The following USP38 variants were observed in gnomAD, a reference collection of about 807,000 sequenced individuals.
The protein encoded by USP38 is ubiquitin carboxyl-terminal hydrolase 38.
USP38 carries 49 observed loss-of-function variants against 94.3 expected under a neutral mutation model. The ratio of observed to expected loss-of-function variants is 0.52; its 90% confidence interval spans 0.41 to 0.66. The LOEUF is 0.66. Among genes scored for constraint, USP38 ranks in the 30% least tolerant of loss-of-function variants. USP38 has a pLI of 0.00. For missense variants in USP38, 1,128 were observed against 1,229.4 expected, an observed-to-expected ratio of 0.92 and a Z score of 1.23; for synonymous variants, 468 against 463.6, an observed-to-expected ratio of 1.01 and a Z score of -0.12.
Position 143,187,850 on chromosome 4 carries a change from C to T in USP38, c.707C>T (p.Ala236Val), listed in dbSNP as rs372406558. 1.2e-6 allele frequency: 2 copies of T among 1,612,532 alleles called. No individual in the cohort carries two copies. Among genetic ancestry groups the T allele is most frequent in the African/African-American group, 2.7e-5 (2 of 74,856 alleles). ...GATGCATCATTTGAACCTTCTGTAG[C>T]ATTGGCAAGCCTTGTGCAGCATATT... ...STDASFEPSV[A>V]LASLVQHIPL... Residue 236 changes from alanine (A) to valine (V), a missense_variant, in exon 2 of 10, where the codon GCA becomes GTA. By Grantham distance (64) the Ala-to-Val change is moderately conservative. Coordinates refer to ENST00000307017, the MANE Select transcript of USP38 (RefSeq NM_032557.6).
chr4:143,197,948 A>C (rs368529972), intron 4 of USP38, 24 bp downstream of exon 4: 170 of 1,524,398 alleles, frequency 1.1e-4, no homozygotes, highest in Non-Finnish European at 1.4e-4. Context: ...TAAACGTTCT[A>C]CTTTGAAAAA....
At chr4:143,213,500 A>G in intron 8 of USP38, 81 bp from the exon 9 acceptor site, 1 of 1,348,760 alleles carries the variant, frequency 7.4e-7, no homozygotes, top group Non-Finnish European at 9.9e-7. Flanking sequence ...AGAATAGTTT[A>G]TAGAAGCCAC....
intron 9 of USP38, among the ~76,000 whole-genome samples, chr4:143,218,392 A>G (rs1167976943): frequency 6.6e-5 from 10 of 152,082 alleles, no homozygotes; most frequent in Non-Finnish European, 4.4e-5. Flanking sequence ...TACACATTCT[A>G]TGATAATCAT....
chr4:143,222,412 A>G lies in USP38; in HGVS notation c.*1956A>G, dbSNP rs1732347602. 6.6e-6 allele frequency: 1 copy of G among 152,034 alleles called. No homozygotes were observed. Among genetic ancestry groups the G allele is most frequent in the Non-Finnish European group, 1.5e-5 (1 of 67,944 alleles). The allele number at this position is 152,034 out of a possible 1,614,324, so 9.4% of individuals were successfully genotyped here. A position where few individuals can be genotyped will look rare whatever the true frequency, so the allele number is the denominator to read the frequency against. ...CAGTATTTGCATATAACCTGTGCAC[A>G]TCCTCCCATATACTTTAATCTCCAG... On this transcript the variant is annotated 3_prime_UTR_variant, in exon 10 of 10. Transcript: ENST00000307017.
rs1016038254 is a variant in USP38 at position 143,209,573 on chromosome 4, A to C, written c.1413A>C (p.Arg471Ser). The stretch of plus-strand genomic sequence containing the variant: ...TTATATTCTCTTTCAGTTTCAGGAG[A>C]CAAGTATTATCTTTAAATCTAAATG... ...QALFMATDFRRQVLSLNLNGC... is the reference protein window; with the variant it reads ...QALFMATDFRSQVLSLNLNGC... The change falls in exon 7 of 10, where the codon AGA (arginine) becomes AGC (serine). Residue 471 changes from arginine to serine, a missense_variant. Physicochemically the swap from Arg to Ser is moderately radical, Grantham distance 110 (BLOSUM62 -1). Coordinates refer to ENST00000307017, the MANE Select transcript of USP38 (RefSeq NM_032557.6). 1.9e-6 allele frequency: 3 copies of C among 1,573,186 alleles called. No homozygotes were observed. The highest frequency in any genetic ancestry group is 2.6e-6 in the Non-Finnish European group (3 of 1,145,784).
At position 143,214,254 on chromosome 4, in the gene USP38, T is replaced by A; in HGVS notation, c.2278T>A (p.Tyr760Asn). The A allele has an allele frequency of 6.2e-7, 1 of 1,613,500 alleles. No individual in the cohort carries two copies. The highest frequency in any genetic ancestry group is 8.5e-7 in the Non-Finnish European group (1 of 1,179,780). ...KTMQITEEPE[Y>N]LILTLLRFSY... The stretch of plus-strand genomic sequence containing the variant: ...TATGCAAATCACGGAGGAACCTGAA[T>A]ACCTTATTCTTACTCTCCTGAGATT... Residue 760 changes from tyrosine to asparagine, a missense_variant, in exon 9 of 10, where the codon TAC becomes AAC. By Grantham distance (143) the Tyr-to-Asn change is moderately radical. Coordinates refer to ENST00000307017, the MANE Select transcript of USP38 (RefSeq NM_032557.6).
At chr4:143,217,723 A>G (rs1311089370) in intron 9 of USP38, among the ~76,000 whole-genome samples, 2 of 152,176 alleles carry the variant, frequency 1.3e-5, no homozygotes, top group Non-Finnish European at 2.9e-5. Context: ...CAGATTTACA[A>G]GTGTTAGAAA....
At position 143,214,368 on chromosome 4, in the gene USP38, A is replaced by T; in HGVS notation, c.2392A>T (p.Thr798Ser). ...LVLELPVKRITSFSSLSESWS... is the reference protein window; with the variant it reads ...LVLELPVKRISSFSSLSESWS... ...TTTGGAGTTGCCAGTTAAAAGAATT[A>T]CTTCTTTCTCTTCATTGTCAGAAAG... Residue 798 changes from threonine to serine, a missense_variant, in exon 9 of 10, where the codon ACT becomes TCT. Thr to Ser is a moderately conservative substitution (Grantham distance 58). Transcript: ENST00000307017. The T allele has an allele frequency of 6.2e-7, 1 of 1,613,718 alleles. No individual in the cohort carries two copies. The highest frequency in any genetic ancestry group is 8.5e-7 in the Non-Finnish European group (1 of 1,179,836).
At chr4:143,198,673 A>G (rs957442120) in intron 4 of USP38, among the ~76,000 whole-genome samples, 5 of 152,178 alleles carry the variant, frequency 3.3e-5, no homozygotes, top group Admixed American at 2.6e-4. Context: ...ATATATTCAC[A>G]TAGGTTGCTC....
chr4:143,220,502 ATGAC>A lies in USP38; in HGVS notation c.*49_*52del, dbSNP rs1553936039. ...CACTGGTCACGAAACGTCTAATACT[ATGAC>A]TGTTAAAATGTCAGACTATAACAAA... On this transcript the variant is annotated 3_prime_UTR_variant, in exon 10 of 10. Coordinates refer to ENST00000307017, the MANE Select transcript of USP38 (RefSeq NM_032557.6). 1 of 1,488,680 alleles carries A rather than the reference ATGAC, an allele frequency of 6.7e-7. No individual in the cohort carries two copies. The highest frequency in any genetic ancestry group is 9.0e-7 in the Non-Finnish European group (1 of 1,114,008). 92.2% of individuals were successfully genotyped at this position (1,488,680 alleles called of 1,614,324 possible). A position where few individuals can be genotyped will look rare whatever the true frequency, so the allele number is the denominator to read the frequency against.
intron 4 of USP38, among the ~76,000 whole-genome samples, chr4:143,200,983 A>G (rs1337428058): frequency 1.3e-5 from 2 of 152,188 alleles, no homozygotes; most frequent in Non-Finnish European, 2.9e-5. Flanking sequence ...TGCTACTTCA[A>G]TCAAACTACC....
At position 143,220,601 on chromosome 4, in the gene USP38, CTT is replaced by C; in HGVS notation, c.*146_*147del. ...CACACTCAGTGCTTGTTTTTATTTTCTTGACACATTTATTAACAAAATGCATC... is the reference window on the plus strand; with the variant it reads ...CACACTCAGTGCTTGTTTTTATTTTCGACACATTTATTAACAAAATGCATC... On this transcript the variant is annotated 3_prime_UTR_variant, in exon 10 of 10. Coordinates refer to ENST00000307017, the MANE Select transcript of USP38 (RefSeq NM_032557.6). 1.2e-6 allele frequency: 1 copy of C among 818,236 alleles called. No homozygotes were observed. 50.7% of individuals were successfully genotyped at this position (818,236 alleles called of 1,614,324 possible).
rs1261454967 is a variant in USP38, at chr4:143,186,214, C to T, written c.682+82C>T. 5.0e-6 allele frequency: 7 copies of T among 1,400,858 alleles called. No individual in the cohort carries two copies. The South Asian group carries it at 6.7e-5, about 13-fold the overall frequency. 86.8% of individuals were successfully genotyped at this position (1,400,858 alleles called of 1,614,324 possible). On this transcript the variant is annotated intron_variant, in intron 1 of 9. Transcript: ENST00000307017. ...CACACACACATTCACACCATGTTTT[C>T]CTCCTGCCCTAAAAACATTCTTAAG...
At chr4:143,203,592 T>C (rs202048641) in intron 5 of USP38, 26 bp downstream of exon 5, 65 of 1,593,062 alleles carry the variant, frequency 4.1e-5, no homozygotes, top group Non-Finnish European at 5.1e-5. Context: ...TACCAATATT[T>C]GTGGAGTTGT....
chr4:143,210,647 CAT>C (rs772826471), intron 7 of USP38, among the ~76,000 whole-genome samples: 1 of 151,292 alleles, frequency 6.6e-6, no homozygotes, highest in Non-Finnish European at 1.5e-5. Flanking sequence ...AGCCTATACA[CAT>C]GAGTAATATA....
At chr4:143,195,582 G>T in intron 2 of USP38, 134 bp from the exon 3 acceptor site, 1 of 828,490 alleles carries the variant, frequency 1.2e-6, no homozygotes, top group Non-Finnish European at 1.8e-6. Context: ...TCTACATCTT[G>T]GTCAGTGCTT....
In USP38 at chr4:143,185,211, C is replaced by A; in HGVS notation, c.-240C>A. Reference sequence around the variant, plus strand: ...GCGGCGGCGGAGTACGGGCCTCTGGCGCCTTAGGCCAGCCGCAGGTGTCGG... The same window carrying A: ...GCGGCGGCGGAGTACGGGCCTCTGGAGCCTTAGGCCAGCCGCAGGTGTCGG... On this transcript the variant is annotated 5_prime_UTR_variant, in exon 1 of 10. Coordinates refer to ENST00000307017, the MANE Select transcript of USP38 (RefSeq NM_032557.6). The A allele has an allele frequency of 2.2e-6, 1 of 463,482 alleles. No individual in the cohort carries two copies. The highest frequency in any genetic ancestry group is 3.7e-5 in the East Asian group (1 of 27,094). The allele number at this position is 463,482 out of a possible 1,614,324, so 28.7% of individuals were successfully genotyped here.
intron 8 of USP38, among the ~76,000 whole-genome samples, chr4:143,212,759 A>G (rs1732063449): frequency 6.6e-6 from 1 of 152,144 alleles, no homozygotes; most frequent in African/African-American, 2.4e-5. Context: ...ACATATAACA[A>G]TAGAATGCAG....
At chr4:143,218,400 C>G (rs148487697) in intron 9 of USP38, among the ~76,000 whole-genome samples, 1 of 152,032 alleles carries the variant, frequency 6.6e-6, no homozygotes, top group East Asian at 1.9e-4. Context: ...CTATGATAAT[C>G]ATAATTTTGA....
Sources: gnomAD v4.1 joint callset for allele counts (sites outside exome capture counted in the v4.1 genomes callset) on GRCh38, gnomAD v4.1.1 for gene constraint, MANE v1.5 for transcripts, NCBI Gene and HGNC (gene_info 2026-07-23, HGNC 2026-07-21) for gene names.